The following BCL11A variants were observed in gnomAD, a reference collection of about 807,000 sequenced individuals.
BCL11A encodes the protein BCL11 transcription factor A.
BCL11A carries 2 observed loss-of-function variants against 55.9 expected under a neutral mutation model. The ratio of observed to expected loss-of-function variants is 0.04; its 90% confidence interval spans 0.01 to 0.11. The LOEUF is 0.11. Among genes scored for constraint, BCL11A ranks in the 10% least tolerant of loss-of-function variants. The probability of loss-of-function intolerance (pLI) is 1.00; values close to 1 mark genes in which losing one functional copy is unlikely to be tolerated. For missense variants in BCL11A, 817 were observed against 1,137.1 expected, an observed-to-expected ratio of 0.72 and a Z score of 4.05; for synonymous variants, 465 against 473.4, an observed-to-expected ratio of 0.98 and a Z score of 0.23.
At chr2:60,473,587 A>G (rs1446787958) in intron 2 of BCL11A, among the ~76,000 whole-genome samples, 1 of 152,254 alleles carries the variant, frequency 6.6e-6, no homozygotes, top group African/African-American at 2.4e-5. Context: ...ACAACAGTGC[A>G]GCTAGTCTGA....
At chr2:60,529,526 T>A (rs540848309) in intron 2 of BCL11A, among the ~76,000 whole-genome samples, 3 of 152,032 alleles carry the variant, frequency 2.0e-5, no homozygotes, top group Middle Eastern at 3.4e-3. Flanking sequence ...CCTCTTTCTG[T>A]CCCTCCTCCC....
chr2:60,532,167 G>T (rs1409878708), intron 2 of BCL11A, among the ~76,000 whole-genome samples: 2 of 152,116 alleles, frequency 1.3e-5, no homozygotes, highest in African/African-American at 4.8e-5. Flanking sequence ...TGTACCCCCA[G>T]TAATCACAGA....
At chr2:60,451,443 G>A (rs1353047497) in exon 5 of BCL11A, 4 of 229,360 alleles carry the variant, frequency 1.7e-5, no homozygotes, top group East Asian at 6.2e-5. Flanking sequence ...AATTAACTGG[G>A]CCAGAAAGAA....
At chr2:60,531,103 G>A (rs1251627424) in intron 2 of BCL11A, among the ~76,000 whole-genome samples, 2 of 151,670 alleles carry the variant, frequency 1.3e-5, no homozygotes, top group Non-Finnish European at 2.9e-5. Flanking sequence ...CACCTTCTCC[G>A]GAGCAGATGG....
At chr2:60,515,528 T>C (rs903725162) in intron 2 of BCL11A, among the ~76,000 whole-genome samples, 4 of 152,082 alleles carry the variant, frequency 2.6e-5, no homozygotes, top group African/African-American at 9.7e-5. Context: ...AATCCCAGAG[T>C]GACACCTCCT....
At chr2:60,530,397 G>A (rs996128517) in intron 2 of BCL11A, among the ~76,000 whole-genome samples, 2 of 145,752 alleles carry the variant, frequency 1.4e-5, no homozygotes. Context: ...CGCCGGCCAC[G>A]CCCCACCCCA....
chr2:60,542,846 T>C (rs1157110859), intron 2 of BCL11A: 3 of 152,052 alleles, frequency 2.0e-5, no homozygotes, highest in Non-Finnish European at 2.9e-5. Flanking sequence ...CTGGCCAACA[T>C]GGTGAAACCC....
intron 1 of BCL11A, among the ~76,000 whole-genome samples, chr2:60,552,074 A>G (rs1670435147): frequency 6.6e-6 from 1 of 150,562 alleles, no homozygotes; most frequent in Admixed American, 6.6e-5. Context: ...TTGCAACTGA[A>G]GGGGTTTGGG....
chr2:60,495,392 T>G (rs1317152834), intron 2 of BCL11A, among the ~76,000 whole-genome samples: 1 of 152,244 alleles, frequency 6.6e-6, no homozygotes, highest in African/African-American at 2.4e-5. Context: ...GACTTTGCAC[T>G]GGAATCAGCT....
At chr2:60,501,364 T>C (rs1679266451) in intron 2 of BCL11A, among the ~76,000 whole-genome samples, 1 of 152,136 alleles carries the variant, frequency 6.6e-6, no homozygotes, top group South Asian at 2.1e-4. Flanking sequence ...CAGGAAGCCA[T>C]GGTCCTTTGG....
At chr2:60,477,778 G>C (rs1385345637) in intron 2 of BCL11A, among the ~76,000 whole-genome samples, 1 of 152,094 alleles carries the variant, frequency 6.6e-6, no homozygotes, top group Non-Finnish European at 1.5e-5. Flanking sequence ...CGGCCAGGTG[G>C]AGGGCTTTCC....
chr2:60,462,564 G>A, intron 3 of BCL11A, 140 bp from the exon 4 acceptor site: 1 of 1,402,274 alleles, frequency 7.1e-7, no homozygotes, highest in Non-Finnish European at 9.3e-7. Context: ...CCTACCCCCT[G>A]TGCCTGGCAC....
intron 2 of BCL11A, among the ~76,000 whole-genome samples, chr2:60,521,326 G>C (rs1668982870): frequency 6.6e-6 from 1 of 152,232 alleles, no homozygotes; most frequent in Non-Finnish European, 1.5e-5. Flanking sequence ...TGAAGCGAGA[G>C]AGAGCGGACA....
At chr2:60,517,336 C>T (rs916671734) in intron 2 of BCL11A, among the ~76,000 whole-genome samples, 3 of 152,180 alleles carry the variant, frequency 2.0e-5, no homozygotes, top group African/African-American at 7.2e-5. Context: ...AAGGGCCACA[C>T]TTTGGGAGCC....
intron 3 of BCL11A, among the ~76,000 whole-genome samples, chr2:60,467,099 ATGG>A: frequency 1.0e-5 from 1 of 97,564 alleles, no homozygotes; most frequent in South Asian, 3.6e-4. Flanking sequence ...GGTGGTGATG[ATGG>A]TGGTGGTAGT....
intron 2 of BCL11A, among the ~76,000 whole-genome samples, chr2:60,510,614 G>A (rs552282589): frequency 8.5e-5 from 13 of 152,210 alleles, no homozygotes; most frequent in Non-Finnish European, 1.8e-4. Context: ...TAGAAAGGGG[G>A]TGCCACAAGA....
At chr2:60,467,329 GGTA>G (rs1392664710) in intron 3 of BCL11A, among the ~76,000 whole-genome samples, 2 of 85,984 alleles carry the variant, frequency 2.3e-5, no homozygotes, top group Non-Finnish European at 4.7e-5. Flanking sequence ...TGGTGGTGGT[GGTA>G]GTGATGGTGG....
intron 2 of BCL11A, among the ~76,000 whole-genome samples, chr2:60,483,477 T>C (rs2104211955): frequency 6.6e-6 from 1 of 152,366 alleles, no homozygotes; most frequent in East Asian, 1.9e-4. Flanking sequence ...GCAGTCCCTT[T>C]AGCCCCAGTC....
intron 2 of BCL11A, among the ~76,000 whole-genome samples, chr2:60,480,511 G>A (rs45547445): frequency 0.013 from 2,049 of 152,256 alleles, 19 homozygotes; most frequent in Non-Finnish European, 0.018. Context: ...GTGACCAGGG[G>A]AAACCTTCCC....
Sources: allele counts gnomAD v4.1 joint callset (sites outside exome capture counted in the v4.1 genomes callset), GRCh38; gene constraint gnomAD v4.1.1; transcripts MANE v1.5; gene names NCBI Gene and HGNC (gene_info 2026-07-23, HGNC 2026-07-21).